Variants in ADAM23 observed in about 807,000 individuals in gnomAD.
ADAM23 encodes ADAM metallopeptidase domain 23, also known as disintegrin and metalloproteinase domain-containing protein 23.
A neutral mutation model predicts 120.1 loss-of-function variants in ADAM23; 33 were observed. The observed-to-expected ratio is 0.27, with a 90% CI of 0.21 to 0.37. ADAM23 has a LOEUF of 0.37. ADAM23 is among the 10% of genes least tolerant of loss of function. ADAM23 has a pLI of 1.00. For missense variants in ADAM23, 862 were observed against 1,058.2 expected (o/e 0.81, Z 2.57); for synonymous variants, 367 against 375.2 (o/e 0.98, Z 0.25).
chr2:206,535,933 C>G (rs1471285506), intron 4 of ADAM23, among the ~76,000 whole-genome samples: 1 of 152,144 alleles, frequency 6.6e-6, no homozygotes, highest in Non-Finnish European at 1.5e-5. Context: ...AAGAAAAACA[C>G]TGAATTTTAT....
chr2:206,605,812 A>G (rs1375508172), intron 24 of ADAM23: 1 of 701,918 alleles, frequency 1.4e-6, no homozygotes, highest in Non-Finnish European at 2.6e-6. Context: ...CAAGCAGGCT[A>G]ATAGGGGCCG....
At chr2:206,576,071 A>G (rs1256616788) in intron 18 of ADAM23, among the ~76,000 whole-genome samples, 2 of 152,188 alleles carry the variant, frequency 1.3e-5, no homozygotes, top group African/African-American at 4.8e-5. Flanking sequence ...CCGTGTTTTC[A>G]TGATTTTTAT....
At chr2:206,554,149 A>C (rs1697591681) in intron 9 of ADAM23, among the ~76,000 whole-genome samples, 1 of 152,170 alleles carries the variant, frequency 6.6e-6, no homozygotes, top group African/African-American at 2.4e-5. Flanking sequence ...TATCCCTTTA[A>C]TTCAGAGTGA....
In ADAM23 at chr2:206,617,662, T is replaced by A; in HGVS notation, c.*35T>A. 6.2e-7 allele frequency: 1 copy of A among 1,612,244 alleles called. No individual in the cohort carries two copies. Among genetic ancestry groups the A allele is most frequent in the East Asian group, 2.2e-5 (1 of 44,782 alleles). On this transcript the variant is annotated 3_prime_UTR_variant, in exon 26 of 26. Transcript: ENST00000264377. The stretch of plus-strand genomic sequence containing the variant: ...GCTGGATGGACACCGCCTTGCACTG[T>A]TGGATTCTGGGTATGACATACTCGC...
At chr2:206,583,829 A>G (rs939815192) in intron 18 of ADAM23, among the ~76,000 whole-genome samples, 3 of 152,134 alleles carry the variant, frequency 2.0e-5, no homozygotes, top group African/African-American at 4.8e-5. Context: ...TTAGCTTTAT[A>G]ACTAACCTCC....
At chr2:206,461,389 C>G (rs1285031727) in intron 2 of ADAM23, among the ~76,000 whole-genome samples, 4 of 152,036 alleles carry the variant, frequency 2.6e-5, no homozygotes, top group Non-Finnish European at 5.9e-5. Flanking sequence ...TCTGTTTTTG[C>G]ATATTTTATC....
chr2:206,489,074 A>G (rs1696075932), intron 3 of ADAM23, among the ~76,000 whole-genome samples: 1 of 152,188 alleles, frequency 6.6e-6, no homozygotes, highest in African/African-American at 2.4e-5. Flanking sequence ...AAGAAGGAAC[A>G]TGTGGAGAAG....
At chr2:206,616,956 C>G (rs889801406) in intron 25 of ADAM23, among the ~76,000 whole-genome samples, 2 of 152,152 alleles carry the variant, frequency 1.3e-5, no homozygotes, top group Admixed American at 1.3e-4. Flanking sequence ...TCTGCATTTG[C>G]TTAACTAACC....
chr2:206,583,195 T>C (rs1332996771), intron 18 of ADAM23, among the ~76,000 whole-genome samples: 9 of 152,144 alleles, frequency 5.9e-5, no homozygotes, highest in African/African-American at 9.7e-5. Flanking sequence ...TGGCTCATGC[T>C]TGTAATCCCA....
At chr2:206,574,868 T>C (rs924904688) in intron 18 of ADAM23, among the ~76,000 whole-genome samples, 3 of 152,222 alleles carry the variant, frequency 2.0e-5, no homozygotes, top group African/African-American at 7.2e-5. Context: ...TGTGTTTAAT[T>C]TATACATATT....
chr2:206,517,041 T>A (rs2105787038), intron 3 of ADAM23, among the ~76,000 whole-genome samples: 1 of 152,198 alleles, frequency 6.6e-6, no homozygotes, highest in East Asian at 1.9e-4. Flanking sequence ...ATAGTAAGCT[T>A]GCTAAAATAA....
chr2:206,566,435 G>A (rs1325041584), intron 14 of ADAM23, among the ~76,000 whole-genome samples: 4 of 151,766 alleles, frequency 2.6e-5, no homozygotes, highest in Admixed American at 6.6e-5. Context: ...TTATAATCAC[G>A]CACTGTATTC....
chr2:206,600,288 T>C (rs930481804), intron 24 of ADAM23, among the ~76,000 whole-genome samples: 6 of 152,306 alleles, frequency 3.9e-5, no homozygotes, highest in African/African-American at 1.2e-4. Flanking sequence ...GAGCACAGTG[T>C]TTGGGCCCTC....
chr2:206,452,252 A>T (rs1695210256), intron 2 of ADAM23, among the ~76,000 whole-genome samples: 2 of 152,188 alleles, frequency 1.3e-5, no homozygotes, highest in Non-Finnish European at 2.9e-5. Flanking sequence ...GTCTTTGATT[A>T]TTCTCTTCCA....
chr2:206,614,442 G>GTGA (rs1698895437), intron 25 of ADAM23, among the ~76,000 whole-genome samples: 2 of 152,084 alleles, frequency 1.3e-5, no homozygotes, highest in African/African-American at 4.8e-5. Context: ...ATCGCCTGAG[G>GTGA]ACAGGAGTTC....
intron 3 of ADAM23, among the ~76,000 whole-genome samples, chr2:206,506,675 T>G (rs1390699153): frequency 6.6e-6 from 1 of 152,250 alleles, no homozygotes; most frequent in Non-Finnish European, 1.5e-5. Context: ...ACCTTTTAGA[T>G]TGCAGATCTA....
intron 2 of ADAM23, among the ~76,000 whole-genome samples, chr2:206,447,787 A>C (rs1423305138): frequency 6.6e-6 from 1 of 152,184 alleles, no homozygotes; most frequent in African/African-American, 2.4e-5. Context: ...CATTGCACTG[A>C]AGCACATTTT....
intron 3 of ADAM23, among the ~76,000 whole-genome samples, chr2:206,491,351 G>A (rs1002585541): frequency 2.0e-5 from 3 of 152,264 alleles, no homozygotes; most frequent in East Asian, 1.9e-4. Context: ...AGAATAAAAA[G>A]TATGGCAACT....
intron 3 of ADAM23, among the ~76,000 whole-genome samples, chr2:206,529,130 T>C (rs1485267290): frequency 2.6e-5 from 4 of 152,150 alleles, no homozygotes; most frequent in Non-Finnish European, 5.9e-5. Context: ...TGCCAATTAA[T>C]GTGTACCTAA....
Sources: gnomAD v4.1 joint callset for allele counts (sites outside exome capture counted in the v4.1 genomes callset) on GRCh38, gnomAD v4.1.1 for gene constraint, MANE v1.5 for transcripts, NCBI Gene and HGNC (gene_info 2026-07-23, HGNC 2026-07-21) for gene names.